The following CYRIB variants were observed in gnomAD, a reference collection of about 807,000 sequenced individuals.
CYRIB encodes CYFIP-related Rac1 interactor B.
A neutral mutation model predicts 44.2 loss-of-function variants in CYRIB; 8 were observed. The ratio of observed to expected loss-of-function variants is 0.18; its 90% CI spans 0.11 to 0.33. The LOEUF (loss-of-function observed/expected upper bound fraction) is 0.33, where lower values mean the gene tolerates loss of function less well. CYRIB is among the 10% of genes least tolerant of loss of function. The pLI is 1.00. For missense variants in CYRIB, 185 were observed against 382.8 expected (o/e 0.48, Z 4.31); for synonymous variants, 131 against 127.2 (o/e 1.03, Z -0.20).
In CYRIB at chr8:129,896,425, A is replaced by C. The variant is rs559167696; in HGVS notation, c.-11+6887T>G. ...GTTAACAGGCAAAGGTTTACTGCTA[A>C]AACATTAAAGCTGGCCTGGACAGCA... is the stretch of plus-strand genomic sequence containing the variant. On this transcript the variant is annotated intron_variant, in intron 2 of 11. Transcript: ENST00000519824. Among the ~76,000 whole-genome samples, 6 of 152,348 alleles carry C rather than the reference A, an allele frequency of 3.9e-5. No homozygotes were observed. The South Asian group carries it at 6.2e-4, about 16-fold the overall frequency.
intron 1 of CYRIB, among the ~76,000 whole-genome samples, chr8:129,910,205 C>G (rs962078029): frequency 6.6e-6 from 1 of 152,220 alleles, no homozygotes; most frequent in African/African-American, 2.4e-5. Flanking sequence ...TTCACTCACC[C>G]ACGGTCTTCT....
At chr8:129,880,076 G>A (rs1316259141) in intron 2 of CYRIB, among the ~76,000 whole-genome samples, 4 of 152,154 alleles carry the variant, frequency 2.6e-5, no homozygotes, top group East Asian at 1.9e-4. Flanking sequence ...GATTATAAGC[G>A]AATATTGTTT....
At chr8:130,003,093 T>C (rs910986552) in intron 1 of CYRIB, among the ~76,000 whole-genome samples, 6 of 152,150 alleles carry the variant, frequency 3.9e-5, no homozygotes, top group African/African-American at 9.7e-5. Context: ...CTGTTCCCAA[T>C]TGAATTGAAA....
intron 3 of CYRIB, among the ~76,000 whole-genome samples, chr8:129,877,552 G>A (rs1031123229): frequency 6.6e-6 from 1 of 151,926 alleles, no homozygotes; most frequent in Non-Finnish European, 1.5e-5. Context: ...TGGAGGCTGA[G>A]GTGGGAGGAT....
At chr8:129,916,843 G>T (rs1017977197) in intron 1 of CYRIB, among the ~76,000 whole-genome samples, 1 of 152,070 alleles carries the variant, frequency 6.6e-6, no homozygotes, top group African/African-American at 2.4e-5. Context: ...TACAACGAAG[G>T]GAAACAGCAT....
chr8:129,858,503 C>G (rs1001143046), intron 5 of CYRIB, among the ~76,000 whole-genome samples: 1 of 152,008 alleles, frequency 6.6e-6, no homozygotes, highest in Non-Finnish European at 1.5e-5. Context: ...AAGAGGAGGC[C>G]CCTGGGGAGA....
chr8:129,879,051 A>G (rs1195435128), intron 3 of CYRIB, among the ~76,000 whole-genome samples: 1 of 152,152 alleles, frequency 6.6e-6, no homozygotes, highest in Non-Finnish European at 1.5e-5. Context: ...TTCCCCAAAT[A>G]TTGCTTCTAT....
chr8:130,015,937 C>G (rs2097331861), intron 1 of CYRIB, among the ~76,000 whole-genome samples: 2 of 152,032 alleles, frequency 1.3e-5, no homozygotes, highest in Admixed American at 1.3e-4. Context: ...GGGAGGTGGC[C>G]GGGGGCCAGC....
At chr8:129,852,091 G>T (rs1442397932) in intron 8 of CYRIB, 71 bp downstream of exon 10, 2 of 902,538 alleles carry the variant, frequency 2.2e-6, no homozygotes, top group African/African-American at 3.4e-5. Context: ...AATGTCTTGG[G>T]CTTGCTGACA....
chr8:129,875,624 T>C (rs1056096204), intron 3 of CYRIB, among the ~76,000 whole-genome samples: 6 of 152,148 alleles, frequency 3.9e-5, no homozygotes, highest in African/African-American at 1.4e-4. Context: ...AAATAAAATC[T>C]TATCATATAG....
At chr8:129,936,864 G>T (rs2092898861) in intron 1 of CYRIB, among the ~76,000 whole-genome samples, 1 of 151,928 alleles carries the variant, frequency 6.6e-6, no homozygotes, top group South Asian at 2.1e-4. Context: ...CCACCACCAC[G>T]CCCGGCTAAT....
In CYRIB at chr8:129,846,750, G is replaced by T; in HGVS notation, c.911+54C>A. 4.9e-6 allele frequency: 6 copies of T among 1,222,288 alleles called. No homozygotes were observed. In the South Asian group the frequency reaches 5.5e-5, roughly 11 times the overall value. The allele number at this position is 1,222,288 out of a possible 1,614,324, so 75.7% of individuals were successfully genotyped here. A position where few individuals can be genotyped will look rare whatever the true frequency, so the allele number is the denominator to read the frequency against. On this transcript the variant is annotated intron_variant, in intron 11 of 11. Coordinates refer to ENST00000519824, the Ensembl canonical transcript of CYRIB. The stretch of plus-strand genomic sequence containing the variant: ...AATGCATTTTCTTTACATAAACATC[G>T]ACCATTTTCCTTACAGATTTTTTCT...
At chr8:129,983,009 TAAAAAA>T (rs3077880) in intron 1 of CYRIB, among the ~76,000 whole-genome samples, 1 of 138,168 alleles carries the variant, frequency 7.2e-6, no homozygotes, top group African/African-American at 2.6e-5. Flanking sequence ...GTAGAGCTGT[TAAAAAA>T]AAAAAAAAAA....
At chr8:129,871,575 A>C in intron 3 of CYRIB, 79 bp from the exon 6 acceptor site, 1 of 1,455,690 alleles carries the variant, frequency 6.9e-7, no homozygotes. Flanking sequence ...AGCAATTAAC[A>C]ACCCAAATTT....
intron 1 of CYRIB, among the ~76,000 whole-genome samples, chr8:129,934,888 T>C (rs1419290047): frequency 2.6e-5 from 4 of 152,222 alleles, no homozygotes; most frequent in Non-Finnish European, 4.4e-5. Flanking sequence ...ACCTTAGTTA[T>C]AGATTAAAAG....
intron 11 of CYRIB, among the ~76,000 whole-genome samples, chr8:129,842,918 T>A (rs2037324900): frequency 6.6e-6 from 1 of 152,228 alleles, no homozygotes; most frequent in South Asian, 2.1e-4. Context: ...ATCTCTAAAA[T>A]GTCTCAATTC....
At chr8:129,994,925 C>T (rs1300386162) in intron 1 of CYRIB, among the ~76,000 whole-genome samples, 1 of 152,236 alleles carries the variant, frequency 6.6e-6, no homozygotes, top group African/African-American at 2.4e-5. Context: ...GCCCCTGCAT[C>T]TGTGCAGTAC....
Position 129,937,360 on chromosome 8 carries a change from T to C in CYRIB, c.-50+2248A>G, listed in dbSNP as rs191898697. ...TTAGAAAGAGTCAAGTAACCTCAAA[T>C]AAGTGACAATCCAGTATCTTCCCCC... On this transcript the variant is annotated intron_variant, in intron 1 of 11. Coordinates refer to ENST00000519824, the Ensembl canonical transcript of CYRIB. 3.3e-5 allele frequency among the ~76,000 whole-genome samples: 5 copies of C among 152,294 alleles called. No individual in the cohort carries two copies. The East Asian group carries it at 9.7e-4, about 29-fold the overall frequency.
chr8:129,945,154 T>G (rs1272773598), intron 2 of CYRIB, among the ~76,000 whole-genome samples: 1 of 152,196 alleles, frequency 6.6e-6, no homozygotes, highest in Non-Finnish European at 1.5e-5. Context: ...AGGTAAAAAA[T>G]GCGGAACTAT....
Sources: allele counts gnomAD v4.1 joint callset (sites outside exome capture counted in the v4.1 genomes callset), GRCh38; gene constraint gnomAD v4.1.1; transcripts MANE v1.5; gene names NCBI Gene and HGNC (gene_info 2026-07-23, HGNC 2026-07-21).